The following TRPC4 variants were observed in gnomAD, a reference collection of about 807,000 sequenced individuals.
TRPC4 encodes the protein transient receptor potential cation channel subfamily C member 4.
A neutral mutation model predicts 99.4 loss-of-function variants in TRPC4; 49 were observed. The observed-to-expected ratio is 0.49, with a 90% confidence interval of 0.39 to 0.63. The LOEUF is 0.63. TRPC4 is among the 20% of genes least tolerant of loss of function. TRPC4 has a pLI of 0.00. For synonymous variants in TRPC4, 454 were observed against 425.9 expected (o/e 1.07, Z -0.81); for missense variants, 898 against 1,152.9 (o/e 0.78, Z 3.20).
chr13:37,700,846 A>G (rs1954081746), intron 3 of TRPC4, among the ~76,000 whole-genome samples: 1 of 152,130 alleles, frequency 6.6e-6, no homozygotes, highest in African/African-American at 2.4e-5. Flanking sequence ...TGAGAATAAG[A>G]TCACTTCCTT....
At chr13:37,703,118 G>T (rs1187867946) in intron 3 of TRPC4, among the ~76,000 whole-genome samples, 1 of 152,162 alleles carries the variant, frequency 6.6e-6, no homozygotes, top group Non-Finnish European at 1.5e-5. Context: ...GGTGGTAGTT[G>T]TATGTGCTAG....
At chr13:37,837,232 G>A (rs1207125144) in intron 1 of TRPC4, among the ~76,000 whole-genome samples, 1 of 152,228 alleles carries the variant, frequency 6.6e-6, no homozygotes, top group Non-Finnish European at 1.5e-5. Flanking sequence ...AAAATGTAGG[G>A]TGAGATCCCC....
intron 1 of TRPC4, among the ~76,000 whole-genome samples, chr13:37,788,916 T>C (rs1957039728): frequency 6.6e-6 from 1 of 152,122 alleles, no homozygotes; most frequent in Non-Finnish European, 1.5e-5. Flanking sequence ...TTCTATGTCT[T>C]ACTGGGAAGA....
intron 5 of TRPC4, 54 bp from the exon 6 acceptor site, chr13:37,663,783 A>T: frequency 1.4e-6 from 2 of 1,448,460 alleles, no homozygotes; most frequent in Non-Finnish European, 1.9e-6. Context: ...GCATATAAAT[A>T]GATCAAGGTC....
intron 1 of TRPC4, among the ~76,000 whole-genome samples, chr13:37,795,426 C>T (rs752280867): frequency 2.0e-5 from 3 of 152,158 alleles, no homozygotes; most frequent in Non-Finnish European, 2.9e-5. Context: ...CAATGGTAGA[C>T]ACTTTGTGGC....
intron 2 of TRPC4, among the ~76,000 whole-genome samples, chr13:37,777,932 C>T (rs1170534516): frequency 6.6e-6 from 1 of 152,014 alleles, no homozygotes; most frequent in Non-Finnish European, 1.5e-5. Context: ...ACTCTGTGCT[C>T]TTTCCCAGCA....
chr13:37,730,945 A>G (rs1207049320), intron 3 of TRPC4, among the ~76,000 whole-genome samples: 1 of 152,060 alleles, frequency 6.6e-6, no homozygotes, highest in African/African-American at 2.4e-5. Context: ...CATAATTTTC[A>G]TACAGGCCAA....
chr13:37,660,917 T>G (rs892727622), intron 6 of TRPC4, among the ~76,000 whole-genome samples: 16 of 152,322 alleles, frequency 1.1e-4, no homozygotes, highest in African/African-American at 2.9e-4. Context: ...TCCGTTTTGC[T>G]TAAACAGAGT....
chr13:37,666,747 C>T (rs964090200), intron 5 of TRPC4, among the ~76,000 whole-genome samples: 1 of 152,150 alleles, frequency 6.6e-6, no homozygotes, highest in African/African-American at 2.4e-5. Flanking sequence ...TTTTCATCTT[C>T]GCATGTTTGT....
In TRPC4 at chr13:37,787,084, T is replaced by C. The variant is rs552688686; in HGVS notation, c.-27-3724A>G. 2.8e-4 allele frequency among the ~76,000 whole-genome samples: 42 copies of C among 152,054 alleles called. No individual in the cohort carries two copies. In the South Asian group the frequency reaches 8.5e-3, roughly 31 times the overall value. On this transcript the variant is annotated intron_variant, in intron 1 of 10. Coordinates refer to ENST00000379705, the MANE Select transcript of TRPC4 (RefSeq NM_016179.4). ...GAAGGCATATTGCCTAAAGGATAAG[T>C]TTAGTTATATAGTGGAAAGAACAGT... is the stretch of plus-strand genomic sequence containing the variant.
In TRPC4 at chr13:37,649,605, G is replaced by A. The variant is rs1482703528; in HGVS notation, c.2079+1660C>T. On this transcript the variant is annotated intron_variant, in intron 8 of 10. Coordinates refer to ENST00000379705, the MANE Select transcript of TRPC4 (RefSeq NM_016179.4). ...AAAAATTAGCCGAGAGTGGTGGCAG[G>A]CGCCTGTAGTCCCAGCTACTCGGGA... is the stretch of plus-strand genomic sequence containing the variant. 8.6e-5 allele frequency among the ~76,000 whole-genome samples: 13 copies of A among 151,634 alleles called. 1 individual carries two copies. The highest frequency in any genetic ancestry group is 3.4e-3 in the Middle Eastern group (1 of 294).
At chr13:37,662,466 A>G (rs1027995727) in intron 6 of TRPC4, among the ~76,000 whole-genome samples, 1 of 152,210 alleles carries the variant, frequency 6.6e-6, no homozygotes, top group African/African-American at 2.4e-5. Flanking sequence ...CTAAGATAAA[A>G]CAGATGTAGA....
rs769331269 is a variant in TRPC4 at position 37,655,273 on chromosome 13, T to C, written c.1699A>G (p.Thr567Ala). The change falls in exon 7 of 11, where the codon ACA becomes GCA. Residue 567 changes from threonine to alanine, a missense_variant. By Grantham distance (58) the Thr-to-Ala change is moderately conservative. This residue lies in a region of TRPC4 where 274 missense variants were observed against 454.9 expected (regional missense o/e 0.60). Coordinates refer to ENST00000379705, the MANE Select transcript of TRPC4 (RefSeq NM_016179.4). ...ATTGACCAAAACAGGGACTGCAGTGTCTCAAATAACCTGTAATAAAGATAA... is the reference window on the plus strand; with the variant it reads ...ATTGACCAAAACAGGGACTGCAGTGCCTCAAATAACCTGTAATAAAGATAA... ...QNNAFSTLFE[T>A]LQSLFWSIFG... The C allele has an allele frequency of 5.8e-6, 9 of 1,564,326 alleles. No homozygotes were observed. In the South Asian group the frequency reaches 1.1e-4, roughly 19 times the overall value.
At chr13:37,821,066 C>G (rs1345481196) in intron 1 of TRPC4, among the ~76,000 whole-genome samples, 1 of 152,044 alleles carries the variant, frequency 6.6e-6, no homozygotes, top group Admixed American at 6.6e-5. Flanking sequence ...GCTCCTTGAT[C>G]TGATAAACAA....
At chr13:37,827,385 T>C (rs150482117) in intron 1 of TRPC4, among the ~76,000 whole-genome samples, 4,921 of 152,288 alleles carry the variant, frequency 0.032, 274 homozygotes, top group African/African-American at 0.11. Context: ...TGCTCTGTTT[T>C]TTCCCTATCT....
chr13:37,856,923 C>T (rs1959179028), intron 1 of TRPC4, among the ~76,000 whole-genome samples: 1 of 151,420 alleles, frequency 6.6e-6, no homozygotes, highest in Admixed American at 6.6e-5. Flanking sequence ...ATATGACAAA[C>T]CCACATCTAG....
chr13:37,813,988 G>A (rs532157753), intron 1 of TRPC4, among the ~76,000 whole-genome samples: 1 of 151,804 alleles, frequency 6.6e-6, no homozygotes, highest in East Asian at 1.9e-4. Context: ...TGTATATTAT[G>A]ACCTAGTGGA....
chr13:37,813,851 A>C (rs1350048935), intron 1 of TRPC4, among the ~76,000 whole-genome samples: 1 of 151,860 alleles, frequency 6.6e-6, no homozygotes, highest in Non-Finnish European at 1.5e-5. Flanking sequence ...TGAAGGCAGA[A>C]TTATCCTGAC....
chr13:37,647,520 A>T (rs1185915259), intron 8 of TRPC4, among the ~76,000 whole-genome samples: 1 of 152,230 alleles, frequency 6.6e-6, no homozygotes, highest in East Asian at 1.9e-4. Context: ...CAGACTTCTC[A>T]GGGAAATAAG....
Sources: gnomAD v4.1 joint callset for allele counts (sites outside exome capture counted in the v4.1 genomes callset) on GRCh38, gnomAD v4.1.1 for gene constraint, gnomAD v4.1.1 regional missense constraint, MANE v1.5 for transcripts, NCBI Gene and HGNC (gene_info 2026-07-23, HGNC 2026-07-21) for gene names.